EPB41: variants seen among roughly 807,000 people sequenced by gnomAD.
EPB41 encodes erythrocyte membrane protein band 4.1.
Under a neutral mutation model 108.0 loss-of-function variants are expected in EPB41, and 65 were observed. That is an observed-to-expected ratio of 0.60 (90% CI 0.49 to 0.74). EPB41 has a LOEUF of 0.74. EPB41 is among the 30% of genes least tolerant of loss of function. EPB41 has a pLI of 0.00. For synonymous variants in EPB41, 336 were observed against 358.9 expected (o/e 0.94, Z 0.72); for missense variants, 875 against 1,037.0 (o/e 0.84, Z 2.15).
chr1:29,085,141 C>CTTTTTTTTTTT (rs527593950), intron 16 of EPB41, among the ~76,000 whole-genome samples: 5 of 117,322 alleles, frequency 4.3e-5, no homozygotes, highest in Non-Finnish European at 7.0e-5. Flanking sequence ...CTTTGATCTT[C>CTTTTTTTTTTT]TTTTTTTTTT....
At chr1:28,994,603 G>A (rs1025141309) in intron 3 of EPB41, among the ~76,000 whole-genome samples, 1 of 151,924 alleles carries the variant, frequency 6.6e-6, no homozygotes, top group Non-Finnish European at 1.5e-5. Context: ...TTGACAAAGT[G>A]TGTAATTCAC....
chr1:28,979,581 G>A (rs74476260), intron 1 of EPB41, among the ~76,000 whole-genome samples: 15,716 of 151,300 alleles, frequency 0.1, 1,442 homozygotes, highest in African/African-American at 0.2. Context: ...CATGTTAAAT[G>A]GTGAACTATT....
At chr1:28,890,539 C>T (rs1017192252) in intron 1 of EPB41, among the ~76,000 whole-genome samples, 1 of 152,142 alleles carries the variant, frequency 6.6e-6, no homozygotes, top group Non-Finnish European at 1.5e-5. Flanking sequence ...TCTCACTCCA[C>T]GTGAGGGGAT....
In EPB41 at chr1:29,033,432, T is replaced by C. The variant is rs771828534; in HGVS notation, c.1365+187T>C. 2.0e-5 allele frequency among the ~76,000 whole-genome samples: 3 copies of C among 152,220 alleles called. No individual in the cohort carries two copies. In the South Asian group the frequency reaches 6.2e-4, roughly 31 times the overall value. ...CTTCTTTTCCTTACTACTGGTCTTC[T>C]GGACATTTCACTTTTTGTAAGTAAA... On this transcript the variant is annotated intron_variant, in intron 9 of 20. Coordinates refer to ENST00000343067, the MANE Select transcript of EPB41 (RefSeq NM_001376013.1).
rs531233849 is a variant in EPB41 at position 28,939,354 on chromosome 1, G to A, written c.-8+24586G>A. Among the ~76,000 whole-genome samples the A allele has an allele frequency of 4.6e-5, 7 of 152,140 alleles. No individual in the cohort carries two copies. The East Asian group carries it at 1.4e-3, about 29-fold the overall frequency. ...GCATCCCTGGGATAAATTTCATTTG[G>A]TCATGGTATGTAATTGTTTTTTATA... On this transcript the variant is annotated intron_variant, in intron 1 of 20. Transcript: ENST00000343067.
intron 16 of EPB41, among the ~76,000 whole-genome samples, chr1:29,085,480 C>T (rs1558271832): frequency 6.6e-6 from 1 of 152,086 alleles, no homozygotes; most frequent in Non-Finnish European, 1.5e-5. Context: ...CTGATAATAT[C>T]GCTTCTACCT....
chr1:29,034,881 AAAT>A (rs1420851040), intron 9 of EPB41, among the ~76,000 whole-genome samples: 1 of 152,114 alleles, frequency 6.6e-6, no homozygotes, highest in African/African-American at 2.4e-5. Context: ...CACCACAAAA[AAAT>A]AATAAGTGTG....
At chr1:29,112,185 G>A (rs560734187) in intron 18 of EPB41, among the ~76,000 whole-genome samples, 183 bp from the exon 19 acceptor site, 1 of 152,166 alleles carries the variant, frequency 6.6e-6, no homozygotes, top group Non-Finnish European at 1.5e-5. Context: ...TTTGTTAATA[G>A]AGACGAGGTC....
intron 15 of EPB41, among the ~76,000 whole-genome samples, chr1:29,061,548 C>T (rs951650870): frequency 6.5e-5 from 9 of 139,314 alleles, no homozygotes; most frequent in Non-Finnish European, 9.1e-5. Flanking sequence ...GGGTTACAGG[C>T]GTGAGCCACT....
chr1:28,991,168 G>A (rs2149577202), intron 2 of EPB41, among the ~76,000 whole-genome samples: 1 of 148,796 alleles, frequency 6.7e-6, no homozygotes, highest in East Asian at 1.9e-4. Flanking sequence ...AAGCGTGTTT[G>A]CTTTATATTA....
rs189042316 is a variant in EPB41, at chr1:28,952,123, T to C, written c.-7-35308T>C. On this transcript the variant is annotated intron_variant, in intron 1 of 20. Coordinates refer to ENST00000343067, the MANE Select transcript of EPB41 (RefSeq NM_001376013.1). ...CTGTATTAAACTGGGTCAAATTGAA[T>C]TGTGTAATGAGACTTTATGCTTATA... is the stretch of plus-strand genomic sequence containing the variant. Among the ~76,000 whole-genome samples, 243 of 152,226 alleles carry C rather than the reference T, an allele frequency of 1.6e-3. 2 individuals are homozygous for C. Among genetic ancestry groups the C allele is most frequent in the African/African-American group, 5.4e-3 (225 of 41,528 alleles).
At chr1:28,914,527 G>GGGCC (rs1437263367), upstream of EPB41, 1 of 152,294 alleles carries the variant, frequency 6.6e-6, no homozygotes, top group African/African-American at 2.4e-5. Context: ...GGAGGGGCGC[G>GGGCC]GGCCGGCGGG....
intron 11 of EPB41, among the ~76,000 whole-genome samples, chr1:29,046,621 C>T (rs2150581452): frequency 6.6e-6 from 1 of 152,218 alleles, no homozygotes; most frequent in African/African-American, 2.4e-5. Context: ...TAATAACTAT[C>T]ATCTTTCCCA....
chr1:28,993,657 CTTT>C (rs932117775), intron 3 of EPB41, 115 bp downstream of exon 3: 2,216 of 548,904 alleles, frequency 4.0e-3, no homozygotes, highest in Middle Eastern at 6.0e-3. Context: ...TTTCTTTTTT[CTTT>C]TTTTTTTTTT....
At chr1:28,898,727 C>T (rs1252859561) in intron 1 of EPB41, among the ~76,000 whole-genome samples, 1 of 152,236 alleles carries the variant, frequency 6.6e-6, no homozygotes, top group African/African-American at 2.4e-5. Flanking sequence ...AGCTGGCTCC[C>T]CTCCTGCCCC....
intron 1 of EPB41, among the ~76,000 whole-genome samples, chr1:28,977,151 T>C (rs2985325): frequency 0.78 from 118,933 of 152,082 alleles, 47,119 homozygotes; most frequent in East Asian, 0.92. Context: ...CTGTGCCCAG[T>C]GGTTTTTTAT....
Position 28,994,609 on chromosome 1 carries a change from T to C in EPB41, c.681+1067T>C, listed in dbSNP as rs575154147. Among the ~76,000 whole-genome samples the C allele has an allele frequency of 9.2e-5, 14 of 152,014 alleles. No homozygotes were observed. In the South Asian group the frequency reaches 2.9e-3, roughly 32 times the overall value. ...CAGCTTTTATTGACAAAGTGTGTAA[T>C]TCACATATATGTGGAACAAACTATT... On this transcript the variant is annotated intron_variant, in intron 3 of 20. Coordinates refer to ENST00000343067, the MANE Select transcript of EPB41 (RefSeq NM_001376013.1).
intron 1 of EPB41, among the ~76,000 whole-genome samples, chr1:28,894,238 TG>T (rs1406608580): frequency 7.2e-5 from 11 of 152,346 alleles, no homozygotes; most frequent in Admixed American, 1.3e-4. Context: ...GTTCACCAGG[TG>T]CTGTATCTTC....
chr1:29,111,717 G>A (rs1232375945), intron 18 of EPB41, among the ~76,000 whole-genome samples: 6 of 151,838 alleles, frequency 4.0e-5, no homozygotes, highest in Non-Finnish European at 7.4e-5. Flanking sequence ...GGTGGCTCAC[G>A]CCTGTAATCC....
Sources: gnomAD v4.1 joint callset for allele counts (sites outside exome capture counted in the v4.1 genomes callset) on GRCh38, gnomAD v4.1.1 for gene constraint, MANE v1.5 for transcripts, NCBI Gene and HGNC (gene_info 2026-07-23, HGNC 2026-07-21) for gene names.